PLPPR5: variants seen among roughly 807,000 people sequenced by gnomAD.
The protein encoded by PLPPR5 is phospholipid phosphatase-related protein type 5.
PLPPR5 carries 16 observed loss-of-function variants against 33.9 expected under a neutral mutation model. The observed-to-expected ratio is 0.47, with a 90% CI of 0.32 to 0.72. The LOEUF (loss-of-function observed/expected upper bound fraction) is 0.72. PLPPR5 is among the 30% of genes least tolerant of loss of function. The probability of loss-of-function intolerance (pLI) is 0.03; values close to 1 mark genes in which losing one functional copy is unlikely to be tolerated. For synonymous variants in PLPPR5, 163 were observed against 150.3 expected, an observed-to-expected ratio of 1.08 and a Z score of -0.62; for missense variants, 301 against 406.7, an observed-to-expected ratio of 0.74 and a Z score of 2.23.
At chr1:98,944,917 GA>G (rs1650500140) in intron 3 of PLPPR5, among the ~76,000 whole-genome samples, 1 of 152,216 alleles carries the variant, frequency 6.6e-6, no homozygotes, top group South Asian at 2.1e-4. Flanking sequence ...ACCTGCAGCA[GA>G]TAATTGTGTC....
chr1:98,904,781 A>C (rs1648835768), intron 5 of PLPPR5, among the ~76,000 whole-genome samples: 1 of 152,104 alleles, frequency 6.6e-6, no homozygotes, highest in Non-Finnish European at 1.5e-5. Flanking sequence ...CTTATCTGTT[A>C]ATTACAAAGG....
At chr1:98,905,848 G>T (rs936172781) in intron 5 of PLPPR5, among the ~76,000 whole-genome samples, 8 of 152,040 alleles carry the variant, frequency 5.3e-5, no homozygotes, top group Non-Finnish European at 1.0e-4. Flanking sequence ...TTGCATAGCT[G>T]ATATTTTATG....
At chr1:98,911,545 T>C (rs560361683) in intron 5 of PLPPR5, among the ~76,000 whole-genome samples, 1 of 152,246 alleles carries the variant, frequency 6.6e-6, no homozygotes, top group South Asian at 2.1e-4. Flanking sequence ...AATAATTTAA[T>C]AGATACAATG....
chr1:98,962,811 C>A (rs995017828), intron 1 of PLPPR5, among the ~76,000 whole-genome samples: 6 of 151,950 alleles, frequency 3.9e-5, no homozygotes, highest in Non-Finnish European at 7.4e-5. Flanking sequence ...GCCACCATGC[C>A]CAATTAATTT....
rs1348113952 is a variant in PLPPR5 at position 98,893,075 on chromosome 1, T to C, written c.963A>G (p.Thr321=). ...QNHITAFAEV[T] is the part of the protein sequence containing the mutation. Reference sequence around the variant, plus strand: ...TGAAAAACCATCTGCTTCGATATCATGTGACTTCTGCGAAGGCAGTGATGT... The same window carrying C: ...TGAAAAACCATCTGCTTCGATATCACGTGACTTCTGCGAAGGCAGTGATGT... The change falls in exon 6 of 6, where the codon ACA becomes ACG. Residue 321 remains threonine, a synonymous_variant. Transcript: ENST00000263177. 1 of 1,611,258 alleles carries C rather than the reference T, an allele frequency of 6.2e-7. No individual in the cohort carries two copies.
chr1:98,950,133 A>G (rs554744551), intron 3 of PLPPR5, among the ~76,000 whole-genome samples: 1 of 152,334 alleles, frequency 6.6e-6, no homozygotes, highest in Admixed American at 6.5e-5. Context: ...AAACATCGCC[A>G]CCAGAAAAAT....
intron 1 of PLPPR5, among the ~76,000 whole-genome samples, chr1:98,993,047 G>T (rs1342029641): frequency 6.6e-6 from 1 of 152,066 alleles, no homozygotes; most frequent in East Asian, 1.9e-4. Flanking sequence ...GCTGATGTAA[G>T]CACTATGTTA....
intron 1 of PLPPR5, among the ~76,000 whole-genome samples, chr1:98,999,960 T>C (rs939347374): frequency 2.0e-5 from 3 of 152,224 alleles, no homozygotes; most frequent in African/African-American, 4.8e-5. Context: ...TTTGTGAAGA[T>C]GGTGATCTAG....
At chr1:98,952,715 C>A (rs1421240086) in intron 3 of PLPPR5, among the ~76,000 whole-genome samples, 1 of 152,192 alleles carries the variant, frequency 6.6e-6, no homozygotes, top group Non-Finnish European at 1.5e-5. Flanking sequence ...GGGTAGGCAG[C>A]TAAGAGGCCT....
intron 3 of PLPPR5, among the ~76,000 whole-genome samples, chr1:98,950,011 A>T (rs1330731221): frequency 6.6e-6 from 1 of 152,212 alleles, no homozygotes; most frequent in Non-Finnish European, 1.5e-5. Context: ...TACCATCTGC[A>T]CCCTTGGCTT....
intron 1 of PLPPR5, among the ~76,000 whole-genome samples, chr1:98,988,813 A>C (rs1557694945): frequency 6.6e-6 from 1 of 152,134 alleles, no homozygotes; most frequent in Non-Finnish European, 1.5e-5. Context: ...TGGCAGGATC[A>C]TGCTATAGTT....
intron 3 of PLPPR5, among the ~76,000 whole-genome samples, chr1:98,932,650 A>G (rs913041190): frequency 2.0e-5 from 3 of 152,298 alleles, no homozygotes; most frequent in Middle Eastern, 3.4e-3. Flanking sequence ...ATTTTCCAGG[A>G]ATCTATTGAT....
At chr1:99,001,541 A>G (rs1652843281) in intron 1 of PLPPR5, among the ~76,000 whole-genome samples, 1 of 151,650 alleles carries the variant, frequency 6.6e-6, no homozygotes. Context: ...TAAAATTCAA[A>G]ATATATATTG....
At chr1:98,951,672 C>T (rs1444943772) in intron 3 of PLPPR5, among the ~76,000 whole-genome samples, 3 of 152,108 alleles carry the variant, frequency 2.0e-5, no homozygotes, top group Admixed American at 2.0e-4. Flanking sequence ...GCTGTATTTC[C>T]TTCCTAAATT....
intron 5 of PLPPR5, among the ~76,000 whole-genome samples, chr1:98,908,401 G>A (rs141040396): frequency 9.9e-5 from 15 of 152,050 alleles, no homozygotes; most frequent in African/African-American, 3.4e-4. Flanking sequence ...ATATAGGAGT[G>A]TAAAAGTAAT....
chr1:98,978,348 C>T (rs889647175), intron 1 of PLPPR5, among the ~76,000 whole-genome samples: 2 of 151,994 alleles, frequency 1.3e-5, no homozygotes, highest in African/African-American at 4.8e-5. Context: ...GAATTTTTAT[C>T]CCATCTTCAA....
At chr1:98,954,954 A>G (rs1427759684) in intron 2 of PLPPR5, among the ~76,000 whole-genome samples, 1 of 89,516 alleles carries the variant, frequency 1.1e-5, no homozygotes, top group Non-Finnish European at 2.0e-5. Context: ...TGACACTTTA[A>G]AGTTCCCAAA....
intron 3 of PLPPR5, among the ~76,000 whole-genome samples, chr1:98,950,293 A>T (rs1172250886): frequency 1.3e-5 from 2 of 152,146 alleles, no homozygotes; most frequent in Non-Finnish European, 2.9e-5. Context: ...TAATAATGAT[A>T]AATAACTTTA....
intron 1 of PLPPR5, among the ~76,000 whole-genome samples, chr1:98,960,663 T>A (rs1345897016): frequency 6.6e-6 from 1 of 152,222 alleles, no homozygotes. Flanking sequence ...TGATTAATAA[T>A]GCTACAAGGT....
Sources: allele counts gnomAD v4.1 joint callset (sites outside exome capture counted in the v4.1 genomes callset), GRCh38; gene constraint gnomAD v4.1.1; transcripts MANE v1.5; gene names NCBI Gene and HGNC (gene_info 2026-07-23, HGNC 2026-07-21).